The following LARGE1 variants were observed in gnomAD, a reference collection of about 807,000 sequenced individuals.
LARGE1 encodes the protein LARGE xylosyl- and glucuronyltransferase 1.
Under a neutral mutation model 87.6 loss-of-function variants are expected in LARGE1, and 43 were observed. The observed-to-expected ratio is 0.49, with a 90% CI of 0.38 to 0.63. The LOEUF (loss-of-function observed/expected upper bound fraction) is 0.63, where lower values mean the gene tolerates loss of function less well. Ranked by LOEUF, LARGE1 falls within the 30% of genes least tolerant of loss-of-function variation. The probability of loss-of-function intolerance (pLI) is 0.00; values close to 1 mark genes in which losing one functional copy is unlikely to be tolerated. For synonymous variants in LARGE1, 434 were observed against 394.6 expected (o/e 1.10, Z -1.18); for missense variants, 802 against 1,000.2 (o/e 0.80, Z 2.67).
chr22:33,603,100 C>T (rs1030505589), intron 5 of LARGE1, among the ~76,000 whole-genome samples: 14 of 152,122 alleles, frequency 9.2e-5, no homozygotes, highest in African/African-American at 2.9e-4. Context: ...GGGAATGGCA[C>T]GCAAATTACC....
chr22:33,636,368 T>C (rs1395159244), intron 3 of LARGE1, among the ~76,000 whole-genome samples: 1 of 152,170 alleles, frequency 6.6e-6, no homozygotes, highest in Non-Finnish European at 1.5e-5. Flanking sequence ...CGCCATGTTA[T>C]GGTCATGCTA....
chr22:33,067,700 GGCCAGGTGCAGTGGCTCAT>G, the LARGE1 span, among the ~76,000 whole-genome samples: 1 of 152,174 alleles, frequency 6.6e-6, no homozygotes, highest in Non-Finnish European at 1.5e-5. Flanking sequence ...ACTTCTCTGA[GGCCAGGTGCAGTGGCTCAT>G]GCCTGTAATC....
intron 6 of LARGE1, among the ~76,000 whole-genome samples, chr22:33,486,982 G>C (rs2069613969): frequency 6.6e-6 from 1 of 152,170 alleles, no homozygotes; most frequent in South Asian, 2.1e-4. Context: ...TTTATCAAAA[G>C]GCTAGATCCA....
At chr22:33,115,612 T>C in the LARGE1 span, among the ~76,000 whole-genome samples, 1 of 151,940 alleles carries the variant, frequency 6.6e-6, no homozygotes, top group Non-Finnish European at 1.5e-5. Flanking sequence ...AGTCAGGAGA[T>C]GGAGACCATC....
chr22:33,502,335 G>T (rs1012933820), intron 6 of LARGE1, among the ~76,000 whole-genome samples: 1 of 152,138 alleles, frequency 6.6e-6, no homozygotes, highest in African/African-American at 2.4e-5. Context: ...GGAAACAGAG[G>T]AAAGAAAGTT....
intron 2 of LARGE1, among the ~76,000 whole-genome samples, chr22:33,676,781 G>A (rs905375428): frequency 1.3e-5 from 2 of 152,050 alleles, no homozygotes; most frequent in Non-Finnish European, 2.9e-5. Context: ...CTTGAAAGTG[G>A]CCACCAGAGA....
the LARGE1 span, among the ~76,000 whole-genome samples, chr22:33,098,338 G>T: frequency 8.6e-5 from 13 of 151,990 alleles, no homozygotes; most frequent in African/African-American, 2.9e-4. Flanking sequence ...AATAAAAATA[G>T]GCCGGGCGCA....
At chr22:33,536,012 A>G (rs951739457) in intron 6 of LARGE1, among the ~76,000 whole-genome samples, 1 of 152,220 alleles carries the variant, frequency 6.6e-6, no homozygotes, top group Non-Finnish European at 1.5e-5. Context: ...ATGAAACAAA[A>G]AAGTCCGCAT....
intron 9 of LARGE1, among the ~76,000 whole-genome samples, chr22:33,380,782 T>C (rs2065130361): frequency 6.6e-6 from 1 of 152,220 alleles, no homozygotes; most frequent in Non-Finnish European, 1.5e-5. Flanking sequence ...GGATATAAAC[T>C]TTATATGGAA....
intron 2 of LARGE1, among the ~76,000 whole-genome samples, chr22:33,740,893 C>T (rs1305231669): frequency 6.6e-6 from 1 of 152,218 alleles, no homozygotes; most frequent in Non-Finnish European, 1.5e-5. Flanking sequence ...GCTCAGGATT[C>T]CCGACTCTCC....
At chr22:33,587,094 C>T (rs1033433542) in intron 5 of LARGE1, among the ~76,000 whole-genome samples, 6 of 152,128 alleles carry the variant, frequency 3.9e-5, no homozygotes, top group African/African-American at 1.2e-4. Context: ...CAACATTCAA[C>T]GTTGCTATTA....
chr22:33,774,339 G>A (rs770189367), intron 1 of LARGE1, among the ~76,000 whole-genome samples: 11 of 151,978 alleles, frequency 7.2e-5, no homozygotes, highest in Non-Finnish European at 1.2e-4. Context: ...AATAGGAGAC[G>A]TTAATCTTTT....
chr22:33,269,933 A>G (rs1183742365), downstream of LARGE1, among the ~76,000 whole-genome samples: 3 of 151,754 alleles, frequency 2.0e-5, no homozygotes, highest in African/African-American at 7.3e-5. Context: ...TGAACCTGGG[A>G]AGCAGAGCTT....
chr22:33,896,612 T>G (rs1469406847), intron 1 of LARGE1, among the ~76,000 whole-genome samples: 1 of 152,094 alleles, frequency 6.6e-6, no homozygotes, highest in East Asian at 1.9e-4. Flanking sequence ...TAGCACCATC[T>G]CTCCCTCAAT....
chr22:33,693,953 G>A (rs991956740), intron 2 of LARGE1, among the ~76,000 whole-genome samples: 1 of 152,212 alleles, frequency 6.6e-6, no homozygotes, highest in African/African-American at 2.4e-5. Flanking sequence ...CAACCCAGGT[G>A]TAGCCAGTGA....
chr22:33,318,320 C>T (rs950893108), intron 10 of LARGE1, among the ~76,000 whole-genome samples: 1 of 151,596 alleles, frequency 6.6e-6, no homozygotes, highest in Non-Finnish European at 1.5e-5. Context: ...ATAATTTGTT[C>T]TCATTGTTCA....
chr22:33,083,563 G>C, the LARGE1 span, among the ~76,000 whole-genome samples: 1 of 152,176 alleles, frequency 6.6e-6, no homozygotes. Context: ...GTTTCACTCA[G>C]CTTACATTTC....
intron 11 of LARGE1, among the ~76,000 whole-genome samples, chr22:33,183,150 C>G (rs999336532): frequency 2.0e-5 from 3 of 151,520 alleles, no homozygotes; most frequent in Non-Finnish European, 4.4e-5. Flanking sequence ...AAAAGTTAAC[C>G]CAGTGAAAAA....
intron 1 of LARGE1, among the ~76,000 whole-genome samples, chr22:33,793,553 C>T (rs1049023171): frequency 4.6e-5 from 7 of 152,296 alleles, no homozygotes; most frequent in South Asian, 2.1e-4. Context: ...ACCTGAAACC[C>T]GGCACAGGCT....
Sources: gnomAD v4.1 joint callset for allele counts (sites outside exome capture counted in the v4.1 genomes callset) on GRCh38, gnomAD v4.1.1 for gene constraint, MANE v1.5 for transcripts, NCBI Gene and HGNC (gene_info 2026-07-23, HGNC 2026-07-21) for gene names.